TTC6: variants seen among roughly 807,000 people sequenced by gnomAD.
TTC6 encodes the protein tetratricopeptide repeat protein 6.
TTC6 carries 172 observed loss-of-function variants against 210.4 expected under a neutral mutation model. That is an observed-to-expected ratio of 0.82 (90% CI 0.72 to 0.93). The LOEUF (loss-of-function observed/expected upper bound fraction) is 0.93, where lower values mean the gene tolerates loss of function less well. Among genes scored for constraint, TTC6 ranks in the 40% least tolerant of loss-of-function variants. The probability of loss-of-function intolerance (pLI) is 0.00; values close to 1 mark genes in which losing one functional copy is unlikely to be tolerated. For synonymous variants in TTC6, 804 were observed against 819.6 expected (o/e 0.98, Z 0.32); for missense variants, 2,414 against 2,318.1 (o/e 1.04, Z -0.85).
chr14:37,769,918 C>T (rs1272687135), intron 14 of TTC6, among the ~76,000 whole-genome samples: 1 of 151,530 alleles, frequency 6.6e-6, no homozygotes, highest in African/African-American at 2.4e-5. Flanking sequence ...TGAATCTTTC[C>T]TGCTTTCTCT....
chr14:37,769,495 A>G (rs1222768065), intron 14 of TTC6, among the ~76,000 whole-genome samples: 3 of 152,142 alleles, frequency 2.0e-5, no homozygotes, highest in East Asian at 3.9e-4. Flanking sequence ...TTATTGGTCT[A>G]TTCAGAGATT....
intron 7 of TTC6, 125 bp from the exon 10 acceptor site, chr14:37,735,796 A>G: frequency 1.8e-6 from 1 of 567,748 alleles, no homozygotes; most frequent in Non-Finnish European, 2.9e-6. Flanking sequence ...CTAGAATTAT[A>G]CTACTTTCAT....
chr14:37,823,702 TGCATCAGTTCACCAGAAG>T, intron 26 of TTC6, 27 bp from the exon 29 acceptor site: 2 of 1,515,122 alleles, frequency 1.3e-6, no homozygotes, highest in Non-Finnish European at 1.8e-6. Context: ...GTCACCAGAA[TGCATCAGTTCACCAGAAG>T]GCATCAATAT....
At chr14:37,835,315 T>A (rs184266577) in intron 29 of TTC6, among the ~76,000 whole-genome samples, 100 of 152,294 alleles carry the variant, frequency 6.6e-4, no homozygotes, top group African/African-American at 2.2e-3. Flanking sequence ...TTTGAGACTT[T>A]GAGGGTAAGA....
rs548021457 is a variant in TTC6 at position 37,786,764 on chromosome 14, G to A, written c.3267-704G>A. Among the ~76,000 whole-genome samples the A allele has an allele frequency of 1.1e-4, 16 of 152,314 alleles. 1 individual carries two copies. Among genetic ancestry groups the A allele is most frequent in the Non-Finnish European group, 2.2e-4 (15 of 68,024 alleles). On this transcript the variant is annotated intron_variant, in intron 14 of 30. Coordinates refer to ENST00000553443, the Ensembl canonical transcript of TTC6. The stretch of plus-strand genomic sequence containing the variant: ...GAGCTGTTCCTATTTGACCATCTTG[G>A]AACCTCCCACTATTTTTATTTCTTC...
intron 1 of TTC6, among the ~76,000 whole-genome samples, chr14:37,654,182 C>A (rs151310692): frequency 1.3e-4 from 20 of 152,218 alleles, no homozygotes; most frequent in Middle Eastern, 3.4e-3. Context: ...ATGGTTTTCT[C>A]ATGAATGATT....
chr14:37,627,796 T>TG (rs111914382), intron 1 of TTC6, among the ~76,000 whole-genome samples: 30,846 of 152,138 alleles, frequency 0.2, 3,431 homozygotes, highest in South Asian at 0.26. Flanking sequence ...TAGAAGGATT[T>TG]GGGGTATATA....
chr14:37,796,872 A>G, exon 20 of TTC6: 2 of 1,611,364 alleles, frequency 1.2e-6, no homozygotes, highest in Non-Finnish European at 1.7e-6. Flanking sequence ...TCTTGGACGG[A>G]ATCAGCTGGA....
intron 1 of TTC6, among the ~76,000 whole-genome samples, chr14:37,601,271 A>T (rs2095615100): frequency 6.6e-6 from 1 of 152,192 alleles, no homozygotes; most frequent in Non-Finnish European, 1.5e-5. Context: ...CATCGACAGC[A>T]AATTCTATTT....
intron 24 of TTC6, among the ~76,000 whole-genome samples, chr14:37,810,161 T>C (rs1000137301): frequency 3.0e-4 from 45 of 152,230 alleles, no homozygotes; most frequent in African/African-American, 1.1e-3. Flanking sequence ...GATAAATGAA[T>C]AGCTAATTTT....
chr14:37,627,539 T>G (rs1346283739), intron 1 of TTC6, among the ~76,000 whole-genome samples: 2 of 151,592 alleles, frequency 1.3e-5, no homozygotes, highest in Non-Finnish European at 2.9e-5. Flanking sequence ...CACTTATAAG[T>G]GAGAACATGT....
At chr14:37,810,157 T>C (rs886394795) in intron 24 of TTC6, among the ~76,000 whole-genome samples, 2 of 152,220 alleles carry the variant, frequency 1.3e-5, no homozygotes, top group Non-Finnish European at 2.9e-5. Flanking sequence ...TGTTGATAAA[T>C]GAATAGCTAA....
intron 29 of TTC6, among the ~76,000 whole-genome samples, chr14:37,841,174 G>A: frequency 6.6e-6 from 1 of 152,114 alleles, no homozygotes; most frequent in East Asian, 1.9e-4. Context: ...TGGCCAGTGG[G>A]AGCATTTTAA....
rs112956106 is a variant in TTC6, at chr14:37,694,273, A to G, written c.1258-2444A>G. ...ACAACTCTGTAGGAAAAAATCTAAC[A>G]ATTTATTTAAAAATATGCAAAAGAT... On this transcript the variant is annotated intron_variant, in intron 3 of 30. Coordinates refer to ENST00000553443, the Ensembl canonical transcript of TTC6. 1.3e-5 allele frequency among the ~76,000 whole-genome samples: 2 copies of G among 152,310 alleles called. 1 individual carries two copies. Among genetic ancestry groups the G allele is most frequent in the African/African-American group, 4.8e-5 (2 of 41,566 alleles).
At chr14:37,817,847 C>G (rs530221011) in intron 26 of TTC6, among the ~76,000 whole-genome samples, 196 bp downstream of exon 28, 83 of 152,310 alleles carry the variant, frequency 5.4e-4, no homozygotes, top group African/African-American at 2.0e-3. Flanking sequence ...CCTCAGCACC[C>G]TTCTGCCTTC....
intron 1 of TTC6, among the ~76,000 whole-genome samples, chr14:37,674,523 T>C (rs2095764754): frequency 6.6e-6 from 1 of 152,134 alleles, no homozygotes; most frequent in African/African-American, 2.4e-5. Flanking sequence ...GCATATGAGG[T>C]ATGTGCTATT....
chr14:37,662,337 G>A (rs1166337396), intron 1 of TTC6, among the ~76,000 whole-genome samples: 1 of 152,048 alleles, frequency 6.6e-6, no homozygotes, highest in Non-Finnish European at 1.5e-5. Context: ...TCAATACTTT[G>A]TTTATTGAGA....
chr14:37,725,358 A>ATG (rs1371313909), intron 7 of TTC6, among the ~76,000 whole-genome samples: 1 of 103,690 alleles, frequency 9.6e-6, no homozygotes, highest in Non-Finnish European at 1.9e-5. Flanking sequence ...ATATATATAT[A>ATG]ATTTTTTTTG....
chr14:37,661,977 T>C (rs892526632), intron 1 of TTC6, among the ~76,000 whole-genome samples: 1 of 152,162 alleles, frequency 6.6e-6, no homozygotes, highest in Non-Finnish European at 1.5e-5. Flanking sequence ...TTGTGTGTTG[T>C]TGGTGTACAG....
Sources: allele counts gnomAD v4.1 joint callset (sites outside exome capture counted in the v4.1 genomes callset), GRCh38; gene constraint gnomAD v4.1.1; transcripts MANE v1.5; gene names NCBI Gene and HGNC (gene_info 2026-07-23, HGNC 2026-07-21).